The following PALM variants were observed in gnomAD, a reference collection of about 807,000 sequenced individuals.
PALM encodes paralemmin-1.
PALM carries 18 observed loss-of-function variants against 30.7 expected under a neutral mutation model. The ratio of observed to expected loss-of-function variants is 0.59; its 90% CI spans 0.41 to 0.87. PALM has a LOEUF of 0.87. Among genes scored for constraint, PALM ranks in the 40% least tolerant of loss-of-function variants. The pLI is 0.00. For missense variants in PALM, 529 were observed against 555.4 expected (o/e 0.95, Z 0.48); for synonymous variants, 286 against 242.8 (o/e 1.18, Z -1.66).
Position 736,089 on chromosome 19 carries a change from C to T in PALM, c.502+11C>T, listed in dbSNP as rs750621250. ...CCATGATGAAGGCAGGTGGGTTGGC[C>T]CCCAGGCTCTGGGCCCCAGATCCAG... is the stretch of plus-strand genomic sequence containing the variant. On this transcript the variant is annotated intron_variant, in intron 7 of 8. Coordinates refer to ENST00000338448, the MANE Select transcript of PALM (RefSeq NM_002579.3). The T allele has an allele frequency of 1.9e-6, 3 of 1,603,014 alleles. No homozygotes were observed. Among genetic ancestry groups the T allele is most frequent in the Non-Finnish European group, 2.6e-6 (3 of 1,173,886 alleles).
intron 1 of PALM, among the ~76,000 whole-genome samples, chr19:714,660 C>CT (rs1159229668): frequency 2.0e-5 from 3 of 151,246 alleles, no homozygotes; most frequent in African/African-American, 2.4e-5. Context: ...GCCCAGCCTT[C>CT]TTTTTTTTAG....
chr19:734,210 G>A lies in PALM; in HGVS notation c.442+16G>A. ...ACGCCCAAAGGTAGGACCTCTGGAA[G>A]GAACTCGTGGGGCCTCGGCGCACTC... On this transcript the variant is annotated intron_variant, in intron 6 of 8. Transcript: ENST00000338448. 3 of 1,612,880 alleles carry A rather than the reference G, an allele frequency of 1.9e-6. No homozygotes were observed. Among genetic ancestry groups the A allele is most frequent in the Non-Finnish European group, 2.5e-6 (3 of 1,179,260 alleles).
At chr19:740,216 G>C in intron 7 of PALM, 136 bp from the exon 8 acceptor site, 2 of 825,086 alleles carry the variant, frequency 2.4e-6, no homozygotes, top group South Asian at 3.7e-5. Context: ...AAGGTGCCCA[G>C]GCATCCCCGG....
chr19:716,594 G>T (rs2032268696), intron 1 of PALM, among the ~76,000 whole-genome samples: 3 of 152,080 alleles, frequency 2.0e-5, no homozygotes, highest in Admixed American at 6.6e-5. Flanking sequence ...AGGGACAGAG[G>T]CCCAGGGTTC....
intron 2 of PALM, among the ~76,000 whole-genome samples, 198 bp downstream of exon 2, chr19:726,387 C>T (rs1048071303): frequency 1.3e-5 from 2 of 152,214 alleles, no homozygotes; most frequent in African/African-American, 2.4e-5. Context: ...CCTGGACCCC[C>T]GGCCTCGCTC....
At chr19:731,463 G>A (rs2032872300) in intron 5 of PALM, among the ~76,000 whole-genome samples, 1 of 152,090 alleles carries the variant, frequency 6.6e-6, no homozygotes, top group Non-Finnish European at 1.5e-5. Flanking sequence ...GTAAGATGGG[G>A]GAGTAATCAG....
chr19:744,040 C>T (rs1309453954), intron 8 of PALM, among the ~76,000 whole-genome samples: 2 of 152,192 alleles, frequency 1.3e-5, no homozygotes, highest in African/African-American at 2.4e-5. Flanking sequence ...AAAACACCCT[C>T]TAAATAAATT....
At position 742,777 on chromosome 19, in the gene PALM, G is replaced by C. The variant is rs2033230748; in HGVS notation, c.634+2294G>C. Among the ~76,000 whole-genome samples the C allele has an allele frequency of 6.6e-6, 1 of 152,168 alleles. No individual in the cohort carries two copies. The highest frequency in any genetic ancestry group is 2.1e-4 in the South Asian group (1 of 4,828). Reference sequence around the variant, plus strand: ...GAATACTATTCCACGGGTTGGGTGGGCCATGGTGGGTTTATCCCTTCTTCC... The same window carrying C: ...GAATACTATTCCACGGGTTGGGTGGCCCATGGTGGGTTTATCCCTTCTTCC... On this transcript the variant is annotated intron_variant, in intron 8 of 8. Transcript: ENST00000338448. This position sits in a 1 kb window ranked among gnomAD's most constrained non-coding sequence, Gnocchi z 5.5.
At chr19:729,918 C>T (rs549316894) in intron 4 of PALM, among the ~76,000 whole-genome samples, 2 of 152,300 alleles carry the variant, frequency 1.3e-5, no homozygotes, top group South Asian at 2.1e-4. Flanking sequence ...AGTTACTGGC[C>T]GTGGGGGCTG....
chr19:734,074 C>T, intron 5 of PALM, 99 bp from the exon 6 acceptor site: 1 of 1,055,634 alleles, frequency 9.5e-7, no homozygotes, highest in East Asian at 2.4e-5. Context: ...ATGACGTCAC[C>T]CACTGTGCCA....
chr19:723,615 G>A (rs1291166081), intron 1 of PALM, among the ~76,000 whole-genome samples: 1 of 144,112 alleles, frequency 6.9e-6, no homozygotes, highest in Non-Finnish European at 1.5e-5. Flanking sequence ...TGTTTTTGAC[G>A]GAGTCTCGCT....
chr19:732,747 G>A (rs1476924642), intron 5 of PALM, among the ~76,000 whole-genome samples: 1 of 151,916 alleles, frequency 6.6e-6, no homozygotes, highest in Non-Finnish European at 1.5e-5. Flanking sequence ...GCTCACGTCA[G>A]GTGGGAAGAT....
chr19:710,340 TC>T (rs2032030683), intron 1 of PALM, among the ~76,000 whole-genome samples: 1 of 151,940 alleles, frequency 6.6e-6, no homozygotes, highest in Non-Finnish European at 1.5e-5. Flanking sequence ...CTGACCCCTC[TC>T]CCCGTCACCC....
intron 1 of PALM, among the ~76,000 whole-genome samples, chr19:717,121 G>A (rs763277206): frequency 4.6e-5 from 7 of 152,114 alleles, no homozygotes; most frequent in Non-Finnish European, 7.4e-5. Context: ...GTAGAGACGG[G>A]GTTTCACCAT....
At position 709,289 on chromosome 19, in the gene PALM, G is replaced by A; in HGVS notation, c.5+138G>A. On this transcript the variant is annotated intron_variant, in intron 1 of 8. Transcript: ENST00000338448. This position sits in a 1 kb window ranked among gnomAD's most constrained non-coding sequence, Gnocchi z 4.3. Reference sequence around the variant, plus strand: ...GCAGGAGGCGGCGCGGGGCTGCTGGGGCCGCAGCGCAGCCGGGAAGAGACT... The same window carrying A: ...GCAGGAGGCGGCGCGGGGCTGCTGGAGCCGCAGCGCAGCCGGGAAGAGACT... 1 of 255,904 alleles carries A rather than the reference G, an allele frequency of 3.9e-6. No homozygotes were observed. The highest frequency in any genetic ancestry group is 7.5e-6 in the Non-Finnish European group (1 of 134,196). 15.9% of individuals were successfully genotyped at this position (255,904 alleles called of 1,614,324 possible).
At chr19:724,976 G>A (rs571682489) in intron 1 of PALM, among the ~76,000 whole-genome samples, 56 of 151,982 alleles carry the variant, frequency 3.7e-4, no homozygotes, top group Non-Finnish European at 7.6e-4. Flanking sequence ...CTGGAGGGCA[G>A]TGGCGCGATC....
chr19:716,133 T>C (rs1460243278), intron 1 of PALM, among the ~76,000 whole-genome samples: 1 of 151,982 alleles, frequency 6.6e-6, no homozygotes, highest in Non-Finnish European at 1.5e-5. Flanking sequence ...AGATTAGGGC[T>C]GGGCATGGTG....
Position 728,470 on chromosome 19 carries a change from T to C in PALM, c.269+776T>C, listed in dbSNP as rs541746516. Reference sequence around the variant, plus strand: ...GCCCATTTGCTTTGAAGAAAGCACGTTGGGGGTGTTCGGGATGGACTTCCC... The same window carrying C: ...GCCCATTTGCTTTGAAGAAAGCACGCTGGGGGTGTTCGGGATGGACTTCCC... On this transcript the variant is annotated intron_variant, in intron 4 of 8. Coordinates refer to ENST00000338448, the MANE Select transcript of PALM (RefSeq NM_002579.3). 9.2e-5 allele frequency among the ~76,000 whole-genome samples: 14 copies of C among 152,246 alleles called. No homozygotes were observed. The South Asian group carries it at 1.7e-3, about 18-fold the overall frequency.
rs2033193965 is a variant in PALM at position 741,516 on chromosome 19, AGACGGGGTGAG to A, written c.634+1035_634+1045del. Among the ~76,000 whole-genome samples, 2 of 1,324 alleles carry A rather than the reference AGACGGGGTGAG, an allele frequency of 1.5e-3. 1 individual carries two copies. Among genetic ancestry groups the A allele is most frequent in the East Asian group, 0.1 (2 of 20 alleles). 0.9% of individuals were successfully genotyped at this position (1,324 alleles called of 152,430 possible). A position where few individuals can be genotyped will look rare whatever the true frequency, so the allele number is the denominator to read the frequency against. On this transcript the variant is annotated intron_variant, in intron 8 of 8. Transcript: ENST00000338448. The stretch of plus-strand genomic sequence containing the variant: ...GGAGCTGGGCTGCAGGGGTGAGGGG[AGACGGGGTGAG>A]GGGAGACGGGCTGCAGGGGTGAGGG...
Sources: allele counts gnomAD v4.1 joint callset (sites outside exome capture counted in the v4.1 genomes callset), GRCh38; gene constraint gnomAD v4.1.1; non-coding constraint Gnocchi (gnomAD v3.1); transcripts MANE v1.5; gene names NCBI Gene and HGNC (gene_info 2026-07-23, HGNC 2026-07-21).